Variants in CNGB3 observed in about 807,000 individuals in gnomAD.
CNGB3 encodes cyclic nucleotide-gated channel beta-3.
A neutral mutation model predicts 92.8 loss-of-function variants in CNGB3; 86 were observed. The observed-to-expected ratio is 0.93, with a 90% CI of 0.78 to 1.11. The LOEUF is 1.11. Ranked by LOEUF, CNGB3 falls within the 50% of genes least tolerant of loss-of-function variation. The pLI is 0.00. For synonymous variants in CNGB3, 333 were observed against 332.7 expected (o/e 1.00, Z -0.01); for missense variants, 1,026 against 956.8 (o/e 1.07, Z -0.95).
At chr8:86,583,519 G>C (rs1256136468) in intron 15 of CNGB3, among the ~76,000 whole-genome samples, 1 of 152,002 alleles carries the variant, frequency 6.6e-6, no homozygotes, top group Non-Finnish European at 1.5e-5. Context: ...AGAGAAGGAA[G>C]GAAAAAAGTG....
chr8:86,660,944 G>C (rs371115955), intron 6 of CNGB3, among the ~76,000 whole-genome samples: 31 of 152,118 alleles, frequency 2.0e-4, no homozygotes, highest in African/African-American at 6.0e-4. Context: ...CTTCTTTCTG[G>C]TGTTAGGAGC....
intron 6 of CNGB3, among the ~76,000 whole-genome samples, chr8:86,662,419 AAG>A (rs925405814): frequency 5.9e-5 from 9 of 152,244 alleles, no homozygotes; most frequent in African/African-American, 1.9e-4. Flanking sequence ...TCAGGTAAGA[AAG>A]AGAGATACAT....
chr8:86,646,894 G>A (rs1823299781), intron 8 of CNGB3, among the ~76,000 whole-genome samples: 1 of 151,012 alleles, frequency 6.6e-6, no homozygotes. Context: ...CATTCACATA[G>A]TTCAAAAACA....
At chr8:86,632,468 G>T (rs1312011979) in intron 11 of CNGB3, among the ~76,000 whole-genome samples, 1 of 152,128 alleles carries the variant, frequency 6.6e-6, no homozygotes, top group South Asian at 2.1e-4. Flanking sequence ...GATTTTAATG[G>T]TTTTCATTAG....
intron 15 of CNGB3, 108 bp from the exon 16 acceptor site, chr8:86,579,360 A>G: frequency 7.6e-7 from 1 of 1,317,798 alleles, no homozygotes; most frequent in Non-Finnish European, 1.1e-6. Context: ...TTCAGAAATC[A>G]TTCCCTAGAG....
At chr8:86,692,963 A>G (rs546388246) in intron 3 of CNGB3, among the ~76,000 whole-genome samples, 1 of 152,254 alleles carries the variant, frequency 6.6e-6, no homozygotes, top group South Asian at 2.1e-4. Flanking sequence ...TCTGGGAAAG[A>G]CTATATCTTT....
chr8:86,597,067 C>G (rs1173597563), intron 15 of CNGB3, among the ~76,000 whole-genome samples: 2 of 152,018 alleles, frequency 1.3e-5, no homozygotes, highest in Non-Finnish European at 2.9e-5. Context: ...GGAGAAATAC[C>G]TAATGTAAAT....
At chr8:86,660,117 C>T (rs1585999340) in intron 6 of CNGB3, 1 of 313,914 alleles carries the variant, frequency 3.2e-6, no homozygotes, top group East Asian at 7.9e-5. Context: ...ATGGTCTTTG[C>T]ACATATCCTC....
intron 11 of CNGB3, among the ~76,000 whole-genome samples, chr8:86,631,763 C>A (rs779663485): frequency 1.1e-4 from 17 of 152,040 alleles, no homozygotes; most frequent in Non-Finnish European, 1.3e-4. Context: ...ACTTTACTAC[C>A]CCTCTCTGTA....
At chr8:86,656,729 C>A (rs76742880) in intron 6 of CNGB3, among the ~76,000 whole-genome samples, 14,794 of 152,118 alleles carry the variant, frequency 0.097, 986 homozygotes, top group Admixed American at 0.21. Flanking sequence ...TCCCACCCCC[C>A]CAACCAAAAT....
At chr8:86,635,340 A>G (rs1215377176) in intron 10 of CNGB3, among the ~76,000 whole-genome samples, 2 of 152,130 alleles carry the variant, frequency 1.3e-5, no homozygotes, top group Non-Finnish European at 2.9e-5. Context: ...CAATTCCATG[A>G]TAAGTGTTGG....
chr8:86,655,160 C>T (rs1823479903), intron 6 of CNGB3, among the ~76,000 whole-genome samples: 1 of 152,200 alleles, frequency 6.6e-6, no homozygotes, highest in South Asian at 2.1e-4. Context: ...CCAAGTTCTA[C>T]TCATTCTTCC....
chr8:86,664,816 G>A (rs569988534), intron 6 of CNGB3, among the ~76,000 whole-genome samples: 4 of 152,212 alleles, frequency 2.6e-5, no homozygotes, highest in Admixed American at 1.3e-4. Flanking sequence ...ACGTACTTGT[G>A]ATTTGCCCAT....
intron 2 of CNGB3, among the ~76,000 whole-genome samples, chr8:86,729,837 G>T (rs315976): frequency 5.9e-5 from 9 of 152,078 alleles, no homozygotes; most frequent in African/African-American, 2.2e-4. Flanking sequence ...ACGGCACATT[G>T]TGATTCTTCC....
At chr8:86,674,896 G>T (rs537791456) in intron 3 of CNGB3, among the ~76,000 whole-genome samples, 10 of 151,892 alleles carry the variant, frequency 6.6e-5, no homozygotes, top group Admixed American at 6.6e-4. Context: ...TGGGACTACA[G>T]GTGTGCAACA....
At chr8:86,712,557 C>T (rs1239617470) in intron 3 of CNGB3, among the ~76,000 whole-genome samples, 3 of 152,088 alleles carry the variant, frequency 2.0e-5, no homozygotes, top group Admixed American at 1.3e-4. Flanking sequence ...CTTTTTCCTA[C>T]AGATTTTAGA....
chr8:86,670,084 G>A (rs150964175), intron 4 of CNGB3, among the ~76,000 whole-genome samples: 2,623 of 152,110 alleles, frequency 0.017, 72 homozygotes, highest in African/African-American at 0.061. Flanking sequence ...TCCTGACCTC[G>A]TGATCTGCCT....
intron 15 of CNGB3, among the ~76,000 whole-genome samples, chr8:86,582,520 C>T (rs575549492): frequency 1.1e-3 from 166 of 152,172 alleles, no homozygotes; most frequent in African/African-American, 3.5e-3. Context: ...GAAAAACCCC[C>T]AACTTCTGGG....
At chr8:86,628,433 C>T (rs189194740) in intron 12 of CNGB3, among the ~76,000 whole-genome samples, 5 of 152,122 alleles carry the variant, frequency 3.3e-5, no homozygotes, top group African/African-American at 4.8e-5. Flanking sequence ...GCATTGTTAA[C>T]CCCCACTTGT....
Sources: allele counts gnomAD v4.1 joint callset (sites outside exome capture counted in the v4.1 genomes callset), GRCh38; gene constraint gnomAD v4.1.1; transcripts MANE v1.5; gene names NCBI Gene and HGNC (gene_info 2026-07-23, HGNC 2026-07-21).